The following APBA2 variants were observed in gnomAD, a reference collection of about 807,000 sequenced individuals.
APBA2 encodes amyloid-beta A4 precursor protein-binding family A member 2.
A neutral mutation model predicts 75.0 loss-of-function variants in APBA2; 30 were observed. The observed-to-expected ratio is 0.40, with a 90% CI of 0.30 to 0.54. The LOEUF (loss-of-function observed/expected upper bound fraction) is 0.54. Ranked by LOEUF, APBA2 falls within the 20% of genes least tolerant of loss-of-function variation. The probability of loss-of-function intolerance (pLI) is 0.49; values close to 1 mark genes in which losing one functional copy is unlikely to be tolerated. For synonymous variants in APBA2, 444 were observed against 409.6 expected (o/e 1.08, Z -1.01); for missense variants, 801 against 1,016.1 (o/e 0.79, Z 2.88).
chr15:28,923,786 T>G (rs2034105554), intron 2 of APBA2, among the ~76,000 whole-genome samples: 1 of 152,132 alleles, frequency 6.6e-6, no homozygotes, highest in African/African-American at 2.4e-5. Flanking sequence ...CTCACTCCCT[T>G]TTTGTGCTGG....
At chr15:29,009,115 G>C (rs561533844) in intron 3 of APBA2, among the ~76,000 whole-genome samples, 1 of 152,208 alleles carries the variant, frequency 6.6e-6, no homozygotes, top group Non-Finnish European at 1.5e-5. Context: ...CTGACTCACA[G>C]AAGTTAGGGC....
rs2033583281 is a variant in APBA2 at position 28,914,646 on chromosome 15, G to A, written c.-204-6994G>A. On this transcript the variant is annotated intron_variant, in intron 1 of 14. Coordinates refer to ENST00000683413, the MANE Select transcript of APBA2 (RefSeq NM_001353788.2). ...GGGACTGGTCCTGCCCGCGCACCCC[G>A]GACCTCCCCTGCCCAGGAAAAGTTA... is the stretch of plus-strand genomic sequence containing the variant. Among the ~76,000 whole-genome samples, 4 of 152,050 alleles carry A rather than the reference G, an allele frequency of 2.6e-5. No individual in the cohort carries two copies. In the South Asian group the frequency reaches 8.3e-4, roughly 32 times the overall value.
At chr15:29,077,668 T>C (rs2152927920) in intron 6 of APBA2, among the ~76,000 whole-genome samples, 1 of 152,302 alleles carries the variant, frequency 6.6e-6, no homozygotes, top group African/African-American at 2.4e-5. Flanking sequence ...TCAGACAGGC[T>C]AAAACTGCTG....
chr15:29,049,411 A>G (rs1372247886), intron 3 of APBA2, among the ~76,000 whole-genome samples: 2 of 152,204 alleles, frequency 1.3e-5, no homozygotes, highest in Non-Finnish European at 2.9e-5. Context: ...CCAAGGGAAG[A>G]GGTTTGACCC....
At chr15:29,086,547 C>T (rs2043301781) in intron 6 of APBA2, among the ~76,000 whole-genome samples, 1 of 152,230 alleles carries the variant, frequency 6.6e-6, no homozygotes, top group Non-Finnish European at 1.5e-5. Context: ...TTCCTGTTCT[C>T]AAGGACACCA....
At chr15:29,041,556 C>T (rs989084388) in intron 3 of APBA2, among the ~76,000 whole-genome samples, 2 of 147,202 alleles carry the variant, frequency 1.4e-5, no homozygotes, top group Non-Finnish European at 3.0e-5. Flanking sequence ...AAAGAAAGAA[C>T]TACATATAAA....
intron 1 of APBA2, among the ~76,000 whole-genome samples, chr15:28,907,353 C>T (rs184403634): frequency 2.4e-4 from 37 of 152,226 alleles, no homozygotes; most frequent in African/African-American, 2.2e-4. Context: ...ATTCTTGTGC[C>T]GATATCTACC....
chr15:28,974,888 ATAAGAG>A (rs1566862078), intron 2 of APBA2, among the ~76,000 whole-genome samples: 1 of 152,298 alleles, frequency 6.6e-6, no homozygotes, highest in East Asian at 1.9e-4. Context: ...ATGACAAAAA[ATAAGAG>A]TAAGATTGGA....
intron 2 of APBA2, among the ~76,000 whole-genome samples, chr15:28,937,893 G>A (rs981304763): frequency 3.9e-5 from 6 of 152,134 alleles, no homozygotes; most frequent in Non-Finnish European, 8.8e-5. Context: ...TCCTGACCTC[G>A]TGATCCGCCC....
chr15:29,011,476 CG>C (rs1276134602), intron 3 of APBA2, among the ~76,000 whole-genome samples: 1 of 150,962 alleles, frequency 6.6e-6, no homozygotes, highest in Admixed American at 6.6e-5. Flanking sequence ...TTGCTTACCC[CG>C]TAGTCAGGAA....
At chr15:29,097,200 G>A (rs1024267900) in intron 8 of APBA2, among the ~76,000 whole-genome samples, 12 of 152,256 alleles carry the variant, frequency 7.9e-5, no homozygotes, top group African/African-American at 2.9e-4. Flanking sequence ...CTCTGACAAT[G>A]TCTTCCCCAT....
At chr15:29,058,106 G>C (rs1332457934) in intron 4 of APBA2, among the ~76,000 whole-genome samples, 1 of 152,130 alleles carries the variant, frequency 6.6e-6, no homozygotes, top group Non-Finnish European at 1.5e-5. Context: ...TGACTCATCT[G>C]TGACCCCTCC....
intron 2 of APBA2, among the ~76,000 whole-genome samples, chr15:28,976,426 CT>C (rs1017773178): frequency 6.6e-6 from 1 of 152,212 alleles, no homozygotes; most frequent in African/African-American, 2.4e-5. Flanking sequence ...GTAGGGCCAT[CT>C]CTAATGGTCC....
At chr15:28,971,187 T>C (rs1006466715) in intron 2 of APBA2, among the ~76,000 whole-genome samples, 1 of 152,184 alleles carries the variant, frequency 6.6e-6, no homozygotes, top group Non-Finnish European at 1.5e-5. Context: ...TAAGAAGTTG[T>C]TTTTATTCTA....
intron 13 of APBA2, among the ~76,000 whole-genome samples, chr15:29,113,354 G>T (rs531432444): frequency 3.9e-5 from 6 of 152,120 alleles, no homozygotes; most frequent in Admixed American, 2.6e-4. Flanking sequence ...CACTTGGCGG[G>T]GGGGGGATGT....
rs1254286499 is a variant in APBA2, at chr15:29,046,071, T to C, written c.-40-7774T>C. Among the ~76,000 whole-genome samples, 1 of 152,188 alleles carries C rather than the reference T, an allele frequency of 6.6e-6. No individual in the cohort carries two copies. Among genetic ancestry groups the C allele is most frequent in the Non-Finnish European group, 1.5e-5 (1 of 68,044 alleles). ...CCGGAAAGGTGGGATTTGGCAGCTA[T>C]GTGGGACCTTCCTTCAGGCACTAAA... On this transcript the variant is annotated intron_variant, in intron 3 of 14. Transcript: ENST00000683413. This position sits in a 1 kb window ranked among gnomAD's most constrained non-coding sequence, Gnocchi z 5.0.
At chr15:29,058,214 G>A (rs1406730691) in intron 4 of APBA2, among the ~76,000 whole-genome samples, 6 of 152,176 alleles carry the variant, frequency 3.9e-5, no homozygotes, top group Non-Finnish European at 7.4e-5. Context: ...TGGTCGATAC[G>A]AAAAATGAGT....
intron 2 of APBA2, among the ~76,000 whole-genome samples, chr15:28,962,525 C>T (rs1298587670): frequency 4.0e-5 from 6 of 151,776 alleles, no homozygotes; most frequent in African/African-American, 1.5e-4. Flanking sequence ...GCAGAGATCG[C>T]GCCACTGCAC....
At chr15:29,025,448 TA>T (rs1486929769) in intron 3 of APBA2, among the ~76,000 whole-genome samples, 1 of 150,024 alleles carries the variant, frequency 6.7e-6, no homozygotes, top group African/African-American at 2.5e-5. Context: ...TTGTAATTTT[TA>T]GTAGAGACAG....
Sources: allele counts gnomAD v4.1 joint callset (sites outside exome capture counted in the v4.1 genomes callset), GRCh38; gene constraint gnomAD v4.1.1; non-coding constraint Gnocchi (gnomAD v3.1); transcripts MANE v1.5; gene names NCBI Gene and HGNC (gene_info 2026-07-23, HGNC 2026-07-21).